CSMD1: variants seen among roughly 807,000 people sequenced by gnomAD.
The protein encoded by CSMD1 is CUB and Sushi multiple domains 1.
CSMD1 carries 213 observed loss-of-function variants against 417.5 expected under a neutral mutation model. That is an observed-to-expected ratio of 0.51 (90% confidence interval 0.46 to 0.57). The LOEUF (loss-of-function observed/expected upper bound fraction) is 0.57. Ranked by LOEUF, CSMD1 falls within the 20% of genes least tolerant of loss-of-function variation. The pLI, the probability that CSMD1 is intolerant of heterozygous loss-of-function variation, is 0.00. For synonymous variants in CSMD1, 2,862 were observed against 1,736.8 expected, an observed-to-expected ratio of 1.65 and a Z score of -16.11; for missense variants, 6,923 against 4,529.7, an observed-to-expected ratio of 1.53 and a Z score of -15.17.
chr8:3,662,789 G>C (rs1308183068), intron 7 of CSMD1, among the ~76,000 whole-genome samples: 1 of 151,948 alleles, frequency 6.6e-6, no homozygotes, highest in Non-Finnish European at 1.5e-5. Flanking sequence ...GTTGAACAAT[G>C]AGAACACATG....
intron 3 of CSMD1, among the ~76,000 whole-genome samples, chr8:4,336,738 T>A (rs1800196680): frequency 6.6e-6 from 1 of 151,988 alleles, no homozygotes; most frequent in Non-Finnish European, 1.5e-5. Context: ...TTACTCTGAG[T>A]TACTTGGTGA....
intron 5 of CSMD1, among the ~76,000 whole-genome samples, chr8:3,912,926 G>A (rs1808558202): frequency 6.6e-6 from 1 of 152,194 alleles, no homozygotes; most frequent in South Asian, 2.1e-4. Context: ...GGTCATTCAG[G>A]TAAGAGAACA....
intron 3 of CSMD1, among the ~76,000 whole-genome samples, chr8:4,323,458 A>G (rs1292250444): frequency 6.7e-6 from 1 of 150,066 alleles, no homozygotes; most frequent in South Asian, 2.1e-4. Context: ...ACCATTCACA[A>G]CAAACCATAC....
At position 4,916,040 on chromosome 8, in the gene CSMD1, G is replaced by T. The variant is rs537274077; in HGVS notation, c.85+78292C>A. On this transcript the variant is annotated intron_variant, in intron 1 of 69. Transcript: ENST00000635120. ...TGCCCCTCGTTCATAGAATACACTA[G>T]ATTTGCCCTGGAAAGGCAACGCCAG... is the stretch of plus-strand genomic sequence containing the variant. Among the ~76,000 whole-genome samples the T allele has an allele frequency of 1.6e-4, 24 of 152,286 alleles. No individual in the cohort carries two copies. The South Asian group carries it at 5.0e-3, about 32-fold the overall frequency.
intron 23 of CSMD1, among the ~76,000 whole-genome samples, chr8:3,314,444 C>A (rs933837358): frequency 6.6e-6 from 1 of 152,046 alleles, no homozygotes; most frequent in Non-Finnish European, 1.5e-5. Flanking sequence ...CACTAGTCTG[C>A]AATTATTCAG....
intron 3 of CSMD1, among the ~76,000 whole-genome samples, chr8:4,097,694 G>A (rs1801092904): frequency 6.6e-6 from 1 of 152,134 alleles, no homozygotes; most frequent in African/African-American, 2.4e-5. Context: ...TTAGCCCTTG[G>A]AATTCAGAAA....
intron 5 of CSMD1, among the ~76,000 whole-genome samples, chr8:3,946,835 T>C (rs75958494): frequency 0.011 from 1,726 of 152,306 alleles, 37 homozygotes; most frequent in African/African-American, 0.039. Flanking sequence ...GTAAATGTTA[T>C]AATTTTAAAA....
chr8:3,960,691 A>T (rs1286456499), intron 5 of CSMD1, among the ~76,000 whole-genome samples: 2 of 151,920 alleles, frequency 1.3e-5, no homozygotes, highest in Non-Finnish European at 2.9e-5. Context: ...TATAAAGATA[A>T]ATTTAATAAG....
intron 5 of CSMD1, among the ~76,000 whole-genome samples, chr8:3,829,162 C>G (rs1302872378): frequency 6.6e-6 from 1 of 152,128 alleles, no homozygotes; most frequent in African/African-American, 2.4e-5. Context: ...TATTTGTTGT[C>G]TTTTATCCCT....
At chr8:3,557,091 G>A (rs143204524) in intron 10 of CSMD1, among the ~76,000 whole-genome samples, 2 of 152,142 alleles carry the variant, frequency 1.3e-5, no homozygotes, top group African/African-American at 4.8e-5. Context: ...CACAATACAG[G>A]CGGCCAAATC....
At chr8:4,249,838 A>T (rs1802946587) in intron 3 of CSMD1, among the ~76,000 whole-genome samples, 1 of 152,118 alleles carries the variant, frequency 6.6e-6, no homozygotes, top group Non-Finnish European at 1.5e-5. Flanking sequence ...CTGTGGTTTG[A>T]ATGTGTCCCC....
chr8:3,148,767 G>A (rs1054915666), intron 40 of CSMD1, among the ~76,000 whole-genome samples: 7 of 152,096 alleles, frequency 4.6e-5, no homozygotes, highest in African/African-American at 1.7e-4. Flanking sequence ...TCCAAATGTT[G>A]ACCACGTTAG....
chr8:3,577,710 G>A (rs1800210480), intron 9 of CSMD1, among the ~76,000 whole-genome samples: 1 of 152,152 alleles, frequency 6.6e-6, no homozygotes, highest in South Asian at 2.1e-4. Flanking sequence ...GGACATTGTT[G>A]AAAGCTTGTG....
intron 4 of CSMD1, among the ~76,000 whole-genome samples, chr8:4,011,292 G>T (rs547292921): frequency 5.3e-5 from 8 of 152,166 alleles, no homozygotes; most frequent in Non-Finnish European, 1.0e-4. Context: ...TGTGTTTTTA[G>T]TGGAGAATTG....
intron 7 of CSMD1, among the ~76,000 whole-genome samples, chr8:3,656,359 G>A (rs1338909117): frequency 1.3e-5 from 2 of 152,028 alleles, no homozygotes. Flanking sequence ...CAGCGCGGCT[G>A]TTTATTTGAT....
intron 5 of CSMD1, among the ~76,000 whole-genome samples, chr8:3,871,472 T>C (rs1805476279): frequency 6.6e-6 from 1 of 152,164 alleles, no homozygotes; most frequent in African/African-American, 2.4e-5. Flanking sequence ...ACTAGTGAGG[T>C]TGAATTTATT....
intron 2 of CSMD1, among the ~76,000 whole-genome samples, chr8:4,597,935 A>G (rs1800373205): frequency 6.6e-6 from 1 of 152,032 alleles, no homozygotes; most frequent in African/African-American, 2.4e-5. Flanking sequence ...TGCTCTTATA[A>G]TAAACATCAT....
chr8:4,199,898 C>A lies in CSMD1; in HGVS notation c.416-167799G>T, dbSNP rs143913170. ...ATATTTTTAGGCCCTTAGTGGAAGA[C>A]AAGTCATACATTTTGTGGTGAAGTA... On this transcript the variant is annotated intron_variant, in intron 3 of 69. Coordinates refer to ENST00000635120, the MANE Select transcript of CSMD1 (RefSeq NM_033225.6). 9.1e-4 allele frequency among the ~76,000 whole-genome samples: 139 copies of A among 152,076 alleles called. No homozygotes were observed. In the Middle Eastern group the frequency reaches 0.014, roughly 15 times the overall value.
chr8:3,860,398 A>G (rs1297818049), intron 5 of CSMD1, among the ~76,000 whole-genome samples: 1 of 152,194 alleles, frequency 6.6e-6, no homozygotes, highest in African/African-American at 2.4e-5. Flanking sequence ...ATCAGTCAAA[A>G]TGGACTCAAT....
Sources: gnomAD v4.1 joint callset for allele counts (sites outside exome capture counted in the v4.1 genomes callset) on GRCh38, gnomAD v4.1.1 for gene constraint, MANE v1.5 for transcripts, NCBI Gene and HGNC (gene_info 2026-07-23, HGNC 2026-07-21) for gene names.